Variants in PITX3 observed in about 807,000 individuals in gnomAD.
The protein encoded by PITX3 is paired like homeodomain 3, also known as pituitary homeobox 3.
Under a neutral mutation model 14.2 loss-of-function variants are expected in PITX3, and 4 were observed. The observed-to-expected ratio is 0.28, with a 90% CI of 0.14 to 0.65. PITX3 has a LOEUF of 0.65. Ranked by LOEUF, PITX3 falls within the 30% of genes least tolerant of loss-of-function variation. The pLI is 0.82. For missense variants in PITX3, 358 were observed against 426.8 expected, an observed-to-expected ratio of 0.84 and a Z score of 1.42; for synonymous variants, 194 against 204.5, an observed-to-expected ratio of 0.95 and a Z score of 0.44.
intron 1 of PITX3, among the ~76,000 whole-genome samples, chr10:102,235,622 G>GT (rs1019372165): frequency 5.9e-5 from 9 of 152,180 alleles, no homozygotes; most frequent in African/African-American, 1.9e-4. Context: ...TACCTGAGTA[G>GT]TTTTTTTTCC....
chr10:102,231,560 G>T (rs377173976), intron 3 of PITX3, 28 bp downstream of exon 3: 2 of 1,465,632 alleles, frequency 1.4e-6, no homozygotes, highest in African/African-American at 1.4e-5. Flanking sequence ...GCCCGCGCGG[G>T]TGCGAGTCGC....
intron 1 of PITX3, among the ~76,000 whole-genome samples, chr10:102,235,373 C>A (rs1468582337): frequency 6.6e-6 from 1 of 152,086 alleles, no homozygotes; most frequent in African/African-American, 2.4e-5. Flanking sequence ...GCCCAGGCCC[C>A]TCTCAGGAAA....
intron 1 of PITX3, among the ~76,000 whole-genome samples, chr10:102,238,211 T>TAGACACCCC (rs1230641923): frequency 6.6e-6 from 1 of 152,170 alleles, no homozygotes; most frequent in Admixed American, 6.5e-5. Flanking sequence ...ATGGACACCC[T>TAGACACCCC]AGACACCCCA....
rs552165570 is a variant in PITX3 at position 102,230,890 on chromosome 10, T to G, written c.533A>C (p.Asn178Thr). 4 of 1,610,742 alleles carry G rather than the reference T, an allele frequency of 2.5e-6. No individual in the cohort carries two copies. The East Asian group carries it at 8.9e-5, about 36-fold the overall frequency. ...GGGCTGCGAAGCCAGAGGCCCCACGTTGACCGAGTTGAAGGCGAATGGAAA... is the reference window on the plus strand; with the variant it reads ...GGGCTGCGAAGCCAGAGGCCCCACGGTGACCGAGTTGAAGGCGAATGGAAA... ...KTFPFAFNSV[N>T]VGPLASQPVF... is the part of the protein sequence containing the mutation. The change falls in exon 4 of 4, where the codon AAC (asparagine) becomes ACC (threonine). Residue 178 changes from asparagine to threonine, a missense_variant. Around this residue, in one of 3 missense-constraint regions of PITX3, gnomAD observed 236 missense variants for 250.2 expected, o/e 0.94. Coordinates refer to ENST00000370002, the MANE Select transcript of PITX3 (RefSeq NM_005029.4).
At chr10:102,233,843 C>G (rs1287238062) in intron 1 of PITX3, among the ~76,000 whole-genome samples, 1 of 152,174 alleles carries the variant, frequency 6.6e-6, no homozygotes, top group Non-Finnish European at 1.5e-5. Flanking sequence ...AACTTAGCCT[C>G]ACATTGCCCA....
At position 102,231,957 on chromosome 10, in the gene PITX3, G is replaced by C; in HGVS notation, c.118+6C>G. 6.2e-7 allele frequency: 1 copy of C among 1,601,734 alleles called. No homozygotes were observed. Among genetic ancestry groups the C allele is most frequent in the Non-Finnish European group, 8.5e-7 (1 of 1,172,076 alleles). On this transcript the variant is annotated splice_donor_region_variant and intron_variant, in intron 2 of 3. Coordinates refer to ENST00000370002, the MANE Select transcript of PITX3 (RefSeq NM_005029.4). The stretch of plus-strand genomic sequence containing the variant: ...GTCCTGCACCCCCGGAAGGGGGCGC[G>C]CTTACCGCTGTGCTCCTGGCCCTTG...
At position 102,232,047 on chromosome 10, in the gene PITX3, G is replaced by A; in HGVS notation, c.34C>T (p.Arg12Trp). Reference sequence around the variant, plus strand: ...TCTGACAGCGACAGGGCAGGGCTCCGGGCCTCTGCCTCGCTGAGCAGGCCG... The same window carrying A: ...TCTGACAGCGACAGGGCAGGGCTCCAGGCCTCTGCCTCGCTGAGCAGGCCG... ...EFGLLSEAEA[R>W]SPALSLSDAG... Residue 12 changes from arginine to tryptophan, a missense_variant, in exon 2 of 4, where the codon CGG becomes TGG. Arg to Trp is a moderately radical substitution (Grantham distance 101). Around this residue, in one of 3 missense-constraint regions of PITX3, gnomAD observed 72 missense variants for 79.9 expected, o/e 0.90. Coordinates refer to ENST00000370002, the MANE Select transcript of PITX3 (RefSeq NM_005029.4). 3 of 1,604,494 alleles carry A rather than the reference G, an allele frequency of 1.9e-6. No homozygotes were observed. The South Asian group carries it at 3.3e-5, about 18-fold the overall frequency.
rs959424771 is a variant in PITX3 at position 102,231,719 on chromosome 10, G to T, written c.190C>A (p.Arg64=). The T allele has an allele frequency of 5.6e-6, 9 of 1,609,706 alleles. No homozygotes were observed. The highest frequency in any genetic ancestry group is 5.9e-6 in the Non-Finnish European group (7 of 1,178,348). ...TGGCTGGTGAAGTGCGTGCGCTGCC[G>T]CCGCTGCTTCTTTTTCAGCGAACCG... ...EDGSLKKKQR[R]QRTHFTSQQL... is the part of the protein sequence containing the mutation. Residue 64 remains arginine (R), a synonymous_variant, in exon 3 of 4, where the codon CGG becomes AGG. Coordinates refer to ENST00000370002, the MANE Select transcript of PITX3 (RefSeq NM_005029.4).
In PITX3 at chr10:102,232,365, T is replaced by C. The variant is rs1854291; in HGVS notation, c.-12-273A>G. Among the ~76,000 whole-genome samples the C allele has an allele frequency of 0.66, 100,156 of 152,074 alleles. 33,376 individuals are homozygous for C. The highest frequency in any genetic ancestry group is 0.76 in the African/African-American group (31,678 of 41,478). ...ACTGTGCCAGGTATACAGTTGGGGT[T>C]CAATATTTATTGAATTAATAAAAAT... is the stretch of plus-strand genomic sequence containing the variant. On this transcript the variant is annotated intron_variant, in intron 1 of 3. Coordinates refer to ENST00000370002, the MANE Select transcript of PITX3 (RefSeq NM_005029.4).
intron 1 of PITX3, 110 bp from the exon 2 acceptor site, chr10:102,232,202 CCG>C: frequency 1.4e-6 from 1 of 690,510 alleles, no homozygotes; most frequent in Non-Finnish European, 2.6e-6. Context: ...TCAACCCCAG[CCG>C]TAAAGCTGGG....
At position 102,230,467 on chromosome 10, in the gene PITX3, G is replaced by C. The variant is rs1228109407; in HGVS notation, c.*47C>G. On this transcript the variant is annotated 3_prime_UTR_variant, in exon 4 of 4. Coordinates refer to ENST00000370002, the MANE Select transcript of PITX3 (RefSeq NM_005029.4). ...AAAATGACCCCAGTCCGCGGAGGCT[G>C]TGAATCGTTGCCCCCGCCCTCGGGG... 6.3e-7 allele frequency: 1 copy of C among 1,575,936 alleles called. No individual in the cohort carries two copies. The highest frequency in any genetic ancestry group is 1.2e-5 in the South Asian group (1 of 86,390).
Position 102,230,768 on chromosome 10 carries a change from C to T in PITX3, c.655G>A (p.Gly219Ser). The T allele has an allele frequency of 1.3e-6, 2 of 1,515,438 alleles. No individual in the cohort carries two copies. The highest frequency in any genetic ancestry group is 1.8e-6 in the Non-Finnish European group (2 of 1,133,066). 93.9% of individuals were successfully genotyped at this position (1,515,438 alleles called of 1,614,324 possible). Reference sequence around the variant, plus strand: ...GGAGCCAGCCCGGGGGGGCCCCCGCCCAGGCCCTGCAGGGCCCCAGGCCCT... The same window carrying T: ...GGAGCCAGCCCGGGGGGGCCCCCGCTCAGGCCCTGCAGGGCCCCAGGCCCT... ...VPGPGALQGL[G>S]GGPPGLAPAA... Residue 219 changes from glycine to serine, a missense_variant, in exon 4 of 4, where the codon GGC (glycine) becomes AGC (serine). By Grantham distance (56) the Gly-to-Ser change is moderately conservative (BLOSUM62 0). Coordinates refer to ENST00000370002, the MANE Select transcript of PITX3 (RefSeq NM_005029.4).
intron 1 of PITX3, among the ~76,000 whole-genome samples, chr10:102,235,158 A>G (rs537269602): frequency 4.7e-5 from 6 of 127,322 alleles, no homozygotes; most frequent in African/African-American, 1.6e-4. Flanking sequence ...GCTAGCCATT[A>G]TTACCCTTCC....
chr10:102,231,536 G>A, intron 3 of PITX3, 52 bp downstream of exon 3: 1 of 1,260,970 alleles, frequency 7.9e-7, no homozygotes, highest in East Asian at 2.5e-5. Context: ...CGGGTCGCAG[G>A]CTGAGCGCGG....
At position 102,241,056 on chromosome 10, in the gene PITX3, T is replaced by C. The variant is rs531644365; in HGVS notation, c.-13+277A>G. On this transcript the variant is annotated intron_variant, in intron 1 of 3. Transcript: ENST00000370002. The surrounding 1 kb of genome is among the most constrained non-coding windows in gnomAD (Gnocchi z 6.7). ...CGCTTTCTGGTAATGGTTTCCAGACTCCCTACTCCCTGCCTCGCGAAGCCC... is the reference window on the plus strand; with the variant it reads ...CGCTTTCTGGTAATGGTTTCCAGACCCCCTACTCCCTGCCTCGCGAAGCCC... Among the ~76,000 whole-genome samples, 12 of 152,196 alleles carry C rather than the reference T, an allele frequency of 7.9e-5. No homozygotes were observed. Among genetic ancestry groups the C allele is most frequent in the Admixed American group, 1.3e-4 (2 of 15,306 alleles).
At position 102,232,000 on chromosome 10, in the gene PITX3, C is replaced by T; in HGVS notation, c.81G>A (p.Gln27=). The T allele has an allele frequency of 6.2e-7, 1 of 1,610,736 alleles. No homozygotes were observed. Among genetic ancestry groups the T allele is most frequent in the Non-Finnish European group, 8.5e-7 (1 of 1,179,688 alleles). ...SLSDAGTPHP[Q]LPEHGCKGQE... is the part of the protein sequence containing the mutation. ...GGCCCTTGCAGCCGTGCTCTGGGAGCTGGGGGTGCGGAGTGCCAGCGTCTG... is the reference window on the plus strand; with the variant it reads ...GGCCCTTGCAGCCGTGCTCTGGGAGTTGGGGGTGCGGAGTGCCAGCGTCTG... Residue 27 remains glutamine (Q), a synonymous_variant, in exon 2 of 4, where the codon CAG becomes CAA. Coordinates refer to ENST00000370002, the MANE Select transcript of PITX3 (RefSeq NM_005029.4).
chr10:102,235,735 C>A (rs1318792673), intron 1 of PITX3, among the ~76,000 whole-genome samples: 2 of 152,320 alleles, frequency 1.3e-5, no homozygotes, highest in East Asian at 3.9e-4. Context: ...TGTGTCTGCC[C>A]TTCCTTGAGT....
In PITX3 at chr10:102,231,718, C is replaced by T. The variant is rs1387984494; in HGVS notation, c.191G>A (p.Arg64Gln). The change falls in exon 3 of 4, where the codon CGG (arginine) becomes CAG (glutamine). Residue 64 changes from arginine (R) to glutamine (Q), a missense_variant. By Grantham distance (43) the Arg-to-Gln change is conservative. Around this residue, in one of 3 missense-constraint regions of PITX3, gnomAD observed 50 missense variants for 96.7 expected, o/e 0.52. Transcript: ENST00000370002. ...CTGGCTGGTGAAGTGCGTGCGCTGC[C>T]GCCGCTGCTTCTTTTTCAGCGAACC... is the stretch of plus-strand genomic sequence containing the variant. Reference protein sequence around the residue: ...EDGSLKKKQRRQRTHFTSQQL... With the variant: ...EDGSLKKKQRQQRTHFTSQQL... 6.2e-7 allele frequency: 1 copy of T among 1,609,930 alleles called. No individual in the cohort carries two copies. The highest frequency in any genetic ancestry group is 1.3e-5 in the African/African-American group (1 of 74,868).
At position 102,230,668 on chromosome 10, in the gene PITX3, G is replaced by A; in HGVS notation, c.755C>T (p.Ser252Phe). ...AAAAAAAAAS[S>F]PYVYRDPCNS... ...ACACGGGTCCCGATAGACGTAGGGG[G>A]AAGAGGCGGCAGCCGCGGCGGCGGC... The change falls in exon 4 of 4, where the codon TCC becomes TTC. Residue 252 changes from serine to phenylalanine, a missense_variant. Physicochemically the swap from Ser to Phe is radical, Grantham distance 155. This residue lies in a region of PITX3 where 236 missense variants were observed against 250.2 expected (regional missense o/e 0.94). Coordinates refer to ENST00000370002, the MANE Select transcript of PITX3 (RefSeq NM_005029.4). 1 of 1,592,154 alleles carries A rather than the reference G, an allele frequency of 6.3e-7. No individual in the cohort carries two copies. The highest frequency in any genetic ancestry group is 8.5e-7 in the Non-Finnish European group (1 of 1,170,254).
Sources: gnomAD v4.1 joint callset for allele counts (sites outside exome capture counted in the v4.1 genomes callset) on GRCh38, gnomAD v4.1.1 for gene constraint, gnomAD v4.1.1 regional missense constraint, Gnocchi (gnomAD v3.1) non-coding constraint, MANE v1.5 for transcripts, NCBI Gene and HGNC (gene_info 2026-07-23, HGNC 2026-07-21) for gene names.